The following SLC5A4 variants were observed in gnomAD, a reference collection of about 807,000 sequenced individuals.
SLC5A4 encodes the protein solute carrier family 5 member 4, also known as probable glucose sensor protein SLC5A4.
SLC5A4 carries 55 observed loss-of-function variants against 70.3 expected under a neutral mutation model. That is an observed-to-expected ratio of 0.78 (90% CI 0.63 to 0.98). The LOEUF (loss-of-function observed/expected upper bound fraction) is 0.98, where lower values mean the gene tolerates loss of function less well. Among genes scored for constraint, SLC5A4 ranks in the 50% least tolerant of loss-of-function variants. SLC5A4 has a pLI of 0.00. For missense variants in SLC5A4, 735 were observed against 839.2 expected (o/e 0.88, Z 1.53); for synonymous variants, 268 against 305.7 (o/e 0.88, Z 1.29).
the SLC5A4 span, among the ~76,000 whole-genome samples, chr22:32,328,097 A>ACACACACACACACAC: frequency 9.2e-6 from 1 of 108,734 alleles, no homozygotes; most frequent in South Asian, 3.4e-4. Context: ...CCAACACACA[A>ACACACACACACACAC]ACACACACAC....
chr22:32,307,305 T>G, the SLC5A4 span, among the ~76,000 whole-genome samples: 2 of 151,954 alleles, frequency 1.3e-5, no homozygotes, highest in Admixed American at 1.3e-4. Context: ...TTATCTAGCA[T>G]CAGCTGTTGG....
At chr22:32,229,130 T>A in intron 11 of SLC5A4, 64 bp downstream of exon 11, 1 of 1,480,224 alleles carries the variant, frequency 6.8e-7, no homozygotes, top group East Asian at 2.3e-5. Flanking sequence ...ACAAGGGAAC[T>A]CTAGTTCACT....
the SLC5A4 span, among the ~76,000 whole-genome samples, chr22:32,317,793 G>A: frequency 6.6e-6 from 1 of 152,312 alleles, no homozygotes; most frequent in Non-Finnish European, 1.5e-5. Flanking sequence ...GAAAAATAGT[G>A]AGACATGTTC....
the SLC5A4 span, chr22:32,272,684 G>A: frequency 3.7e-6 from 2 of 540,598 alleles, no homozygotes; most frequent in African/African-American, 3.8e-5. Flanking sequence ...GCATGTGCCT[G>A]CTGCGCTGGG....
the SLC5A4 span, among the ~76,000 whole-genome samples, chr22:32,343,939 C>T: frequency 2.0e-5 from 3 of 152,192 alleles, no homozygotes; most frequent in African/African-American, 7.2e-5. Context: ...TGTATATCTC[C>T]ACCCACATCT....
At chr22:32,313,223 G>A in the SLC5A4 span, among the ~76,000 whole-genome samples, 1 of 152,194 alleles carries the variant, frequency 6.6e-6, no homozygotes, top group Non-Finnish European at 1.5e-5. Flanking sequence ...TTTATAAAAT[G>A]CAACAGTGTG....
chr22:32,262,830 C>T, the SLC5A4 span, among the ~76,000 whole-genome samples: 7 of 151,876 alleles, frequency 4.6e-5, no homozygotes, highest in Non-Finnish European at 8.8e-5. Context: ...AGTGCAGTGG[C>T]GTGATCTCGG....
the SLC5A4 span, among the ~76,000 whole-genome samples, chr22:32,319,179 TG>T: frequency 6.7e-6 from 1 of 150,110 alleles, no homozygotes; most frequent in South Asian, 2.1e-4. Flanking sequence ...CTCAGGCCCT[TG>T]ACTCATAGTG....
the SLC5A4 span, among the ~76,000 whole-genome samples, chr22:32,349,155 A>T: frequency 6.6e-6 from 1 of 151,932 alleles, no homozygotes; most frequent in Non-Finnish European, 1.5e-5. Flanking sequence ...TTGTGTTTTT[A>T]GTAGAGACAG....
In SLC5A4 at chr22:32,218,500, G is replaced by A. The variant is rs765127348; in HGVS notation, c.*14C>T. 2 of 1,483,862 alleles carry A rather than the reference G, an allele frequency of 1.3e-6. No individual in the cohort carries two copies. Among genetic ancestry groups the A allele is most frequent in the South Asian group, 1.2e-5 (1 of 86,886 alleles). 91.9% of individuals were successfully genotyped at this position (1,483,862 alleles called of 1,614,324 possible). A position where few individuals can be genotyped will look rare whatever the true frequency, so the allele number is the denominator to read the frequency against. ...ATTAAGAATTATTCATTATTCTAATGGCTCAGATAGAGTTCAGGCATAGTA... is the reference window on the plus strand; with the variant it reads ...ATTAAGAATTATTCATTATTCTAATAGCTCAGATAGAGTTCAGGCATAGTA... On this transcript the variant is annotated 3_prime_UTR_variant, in exon 15 of 15. Coordinates refer to ENST00000266086, the MANE Select transcript of SLC5A4 (RefSeq NM_014227.3).
chr22:32,320,063 A>G, the SLC5A4 span, among the ~76,000 whole-genome samples: 1 of 152,242 alleles, frequency 6.6e-6, no homozygotes, highest in African/African-American at 2.4e-5. Flanking sequence ...TAAACAGACC[A>G]GTTGCCAAGA....
At chr22:32,314,680 TAAAGACATACCC>T in the SLC5A4 span, among the ~76,000 whole-genome samples, 3 of 152,090 alleles carry the variant, frequency 2.0e-5, no homozygotes, top group Admixed American at 2.0e-4. Flanking sequence ...ATGCTGCTGA[TAAAGACATACCC>T]AAGCAATTTA....
chr22:32,305,048 A>G, the SLC5A4 span, among the ~76,000 whole-genome samples: 11 of 152,076 alleles, frequency 7.2e-5, no homozygotes, highest in East Asian at 7.7e-4. Flanking sequence ...ATGTAGGTCT[A>G]TTTCTGGGCT....
Position 32,234,879 on chromosome 22 carries a change from T to C in SLC5A4, c.879A>G (p.Thr293=). 2 of 1,609,922 alleles carry C rather than the reference T, an allele frequency of 1.2e-6. No homozygotes were observed. Among genetic ancestry groups the C allele is most frequent in the South Asian group, 2.2e-5 (2 of 90,966 alleles). ...MPITALWYWC[T]NQVIVQRCLC... ...ACATATACATATACTTCACCTGATTTGTGCACCAGTACCACAAAGCTGTAA... is the reference window on the plus strand; with the variant it reads ...ACATATACATATACTTCACCTGATTCGTGCACCAGTACCACAAAGCTGTAA... Residue 293 remains threonine (T), a synonymous_variant, in exon 8 of 15, where the codon ACA becomes ACG. Coordinates refer to ENST00000266086, the MANE Select transcript of SLC5A4 (RefSeq NM_014227.3).
chr22:32,291,701 T>A, the SLC5A4 span, among the ~76,000 whole-genome samples: 7 of 152,262 alleles, frequency 4.6e-5, no homozygotes, highest in African/African-American at 1.7e-4. Context: ...ACCTAAGTTT[T>A]AATATGTAAC....
At chr22:32,242,482 G>A (rs150304166) in intron 5 of SLC5A4, among the ~76,000 whole-genome samples, 186 of 152,286 alleles carry the variant, frequency 1.2e-3, no homozygotes, top group Admixed American at 3.4e-3. Flanking sequence ...GGCCAAGGCG[G>A]GCAGATCACG....
the SLC5A4 span, among the ~76,000 whole-genome samples, chr22:32,323,944 C>T: frequency 6.6e-6 from 1 of 151,940 alleles, no homozygotes; most frequent in African/African-American, 2.4e-5. Flanking sequence ...GCAGCCTCAC[C>T]CGACTTTGGC....
chr22:32,290,278 G>A, the SLC5A4 span, among the ~76,000 whole-genome samples: 716 of 152,098 alleles, frequency 4.7e-3, 1 homozygote, highest in Non-Finnish European at 7.6e-3. Flanking sequence ...GCCCCGGTGT[G>A]TGATGTTCCC....
chr22:32,329,537 C>G, the SLC5A4 span, among the ~76,000 whole-genome samples: 4,362 of 130,976 alleles, frequency 0.033, 86 homozygotes, highest in Non-Finnish European at 0.046. Flanking sequence ...TGGGGGGGCT[C>G]TGTGTCTGTT....
Sources: gnomAD v4.1 joint callset for allele counts (sites outside exome capture counted in the v4.1 genomes callset) on GRCh38, gnomAD v4.1.1 for gene constraint, MANE v1.5 for transcripts, NCBI Gene and HGNC (gene_info 2026-07-23, HGNC 2026-07-21) for gene names.